Variants in DEFB128 observed in about 807,000 individuals in gnomAD.
The protein encoded by DEFB128 is beta-defensin 128.
Under a neutral mutation model 2.4 loss-of-function variants are expected in DEFB128, and 1 was observed. The observed-to-expected ratio is 0.41, with a 90% CI of 0.15 to 1.96. The LOEUF (loss-of-function observed/expected upper bound fraction) is 1.96. Among genes scored for constraint, DEFB128 ranks in the 30% most tolerant of loss-of-function variants. The probability of loss-of-function intolerance (pLI) is 0.30; values close to 1 mark genes in which losing one functional copy is unlikely to be tolerated. For synonymous variants in DEFB128, 59 were observed against 39.1 expected (o/e 1.51, Z -1.89); for missense variants, 129 against 104.9 (o/e 1.23, Z -1.00).
At position 189,705 on chromosome 20, in the gene DEFB128, A is replaced by G. The variant is rs1021372661; in HGVS notation, c.-82T>C. The G allele has an allele frequency of 2.7e-6, 4 of 1,494,654 alleles. No individual in the cohort carries two copies. The highest frequency in any genetic ancestry group is 2.8e-5 in the African/African-American group (2 of 72,136). 92.6% of individuals were successfully genotyped at this position (1,494,654 alleles called of 1,614,324 possible). A position where few individuals can be genotyped will look rare whatever the true frequency, so the allele number is the denominator to read the frequency against. On this transcript the variant is annotated 5_prime_UTR_variant, in exon 1 of 2. Transcript: ENST00000334391. ...CCACAGGTCTTTAAAGATGATCCAG[A>G]GTTTTGAGAGCTATCAGCGCTCGGA...
rs146241398 is a variant in DEFB128 at position 188,108 on chromosome 20, T to A, written c.60A>T (p.Arg20Ser). 1.2e-6 allele frequency: 2 copies of A among 1,613,842 alleles called. No individual in the cohort carries two copies. The highest frequency in any genetic ancestry group is 1.7e-6 in the Non-Finnish European group (2 of 1,179,882). Residue 20 changes from arginine (R) to serine (S), a missense_variant, in exon 2 of 2, where the codon AGA becomes AGT. Coordinates refer to ENST00000334391, the MANE Select transcript of DEFB128 (RefSeq NM_001037732.3). ...TTACTTTATTGAAGCATTTTTTGAG[T>A]CTTGCCCCGTCTGTGCATAGGAAAC... The part of the protein sequence containing the change: ...LLFEVLTDGA[R>S]LKKCFNKVTG...
In DEFB128 at chr20:188,155, C is replaced by T. The variant is rs138684629; in HGVS notation, c.50-37G>A. 4,704 of 1,586,214 alleles carry T rather than the reference C, an allele frequency of 3.0e-3. 18 individuals are homozygous for T. The highest frequency in any genetic ancestry group is 3.7e-3 in the Non-Finnish European group (4,222 of 1,156,696). On this transcript the variant is annotated intron_variant, in intron 1 of 1. Transcript: ENST00000334391. Reference sequence around the variant, plus strand: ...AAACAACATTGAACCAAGGTTAGTGCGTAAGGAAGAGCAGAAGAGGTAGGT... The same window carrying T: ...AAACAACATTGAACCAAGGTTAGTGTGTAAGGAAGAGCAGAAGAGGTAGGT...
chr20:187,864 G>A lies in DEFB128; in HGVS notation c.*22C>T, dbSNP rs779001136. ...TTATTTAGGAAGAGTGGAGACCAGC[G>A]AGACAAGGGCTAGATTTAGGATTAG... On this transcript the variant is annotated 3_prime_UTR_variant, in exon 2 of 2. Coordinates refer to ENST00000334391, the MANE Select transcript of DEFB128 (RefSeq NM_001037732.3). 3.4e-5 allele frequency: 54 copies of A among 1,611,926 alleles called. No individual in the cohort carries two copies. The highest frequency in any genetic ancestry group is 5.3e-5 in the African/African-American group (4 of 74,846).
At chr20:188,262 T>C (rs1284191409) in intron 1 of DEFB128, 144 bp from the exon 2 acceptor site, 2 of 764,690 alleles carry the variant, frequency 2.6e-6, no homozygotes, top group Non-Finnish European at 4.4e-6. Context: ...GGCCCCTCCT[T>C]GAAAAATATC....
At position 187,967 on chromosome 20, in the gene DEFB128, C is replaced by T; in HGVS notation, c.201G>A (p.Lys67=). The T allele has an allele frequency of 4.3e-6, 7 of 1,613,938 alleles. No homozygotes were observed. Among genetic ancestry groups the T allele is most frequent in the Non-Finnish European group, 5.9e-6 (7 of 1,179,932 alleles). Residue 67 remains lysine (K), a synonymous_variant, in exon 2 of 2, where the codon AAG becomes AAA. Transcript: ENST00000334391. ...GCTTCTCACCAGAATGTTGATGTGG[C>T]TTCTTAAATGACACATGTTTTTTCT... ...EEEKKHVSFK[K]PHQHSGEKLS... is the part of the protein sequence containing the mutation.
chr20:188,198 T>C, intron 1 of DEFB128, 80 bp from the exon 2 acceptor site: 7 of 1,299,380 alleles, frequency 5.4e-6, no homozygotes, highest in Non-Finnish European at 7.8e-6. Flanking sequence ...TCCCCACAAG[T>C]CATGGCCTCC....
At chr20:188,157 T>C in intron 1 of DEFB128, 39 bp from the exon 2 acceptor site, 1 of 1,581,670 alleles carries the variant, frequency 6.3e-7, no homozygotes, top group Admixed American at 1.7e-5. Context: ...GGTTAGTGCG[T>C]AAGGAAGAGC....
At chr20:188,413 T>C (rs1269432267) in intron 1 of DEFB128, among the ~76,000 whole-genome samples, 3 of 152,128 alleles carry the variant, frequency 2.0e-5, no homozygotes, top group African/African-American at 7.2e-5. Flanking sequence ...CCTAGGACCA[T>C]GGCAAAGCTG....
chr20:189,418 G>A (rs1313480222), intron 1 of DEFB128, among the ~76,000 whole-genome samples, 157 bp downstream of exon 1: 2 of 152,150 alleles, frequency 1.3e-5, no homozygotes, highest in Non-Finnish European at 2.9e-5. Flanking sequence ...ACCTCCTTGG[G>A]TGCCTCTCTT....
chr20:188,712 A>T (rs867153989), intron 1 of DEFB128, among the ~76,000 whole-genome samples: 1 of 152,208 alleles, frequency 6.6e-6, no homozygotes, highest in Non-Finnish European at 1.5e-5. Context: ...TCTGTCACTC[A>T]TCACACTCCC....
rs2011111452 is a variant in DEFB128 at position 187,858 on chromosome 20, A to G, written c.*28T>C. 1.2e-6 allele frequency: 2 copies of G among 1,610,634 alleles called. No individual in the cohort carries two copies. The highest frequency in any genetic ancestry group is 1.7e-6 in the Non-Finnish European group (2 of 1,177,130). On this transcript the variant is annotated 3_prime_UTR_variant, in exon 2 of 2. Coordinates refer to ENST00000334391, the MANE Select transcript of DEFB128 (RefSeq NM_001037732.3). ...CACTTTTTATTTAGGAAGAGTGGAG[A>G]CCAGCGAGACAAGGGCTAGATTTAG...
At chr20:189,087 A>C (rs551119348) in intron 1 of DEFB128, among the ~76,000 whole-genome samples, 2 of 152,354 alleles carry the variant, frequency 1.3e-5, no homozygotes, top group East Asian at 3.9e-4. Flanking sequence ...TAACCTGTAC[A>C]TCAAATAGAA....
chr20:188,210 A>G (rs927903268), intron 1 of DEFB128, 92 bp from the exon 2 acceptor site: 6 of 1,165,650 alleles, frequency 5.1e-6, no homozygotes, highest in African/African-American at 4.6e-5. Flanking sequence ...ATGGCCTCCT[A>G]TGGTCCCAAG....
intron 1 of DEFB128, 89 bp downstream of exon 1, chr20:189,486 G>T: frequency 6.8e-7 from 1 of 1,469,110 alleles, no homozygotes; most frequent in Non-Finnish European, 9.4e-7. Context: ...TATGATTTTG[G>T]CCAAATATAA....
rs1262158910 is a variant in DEFB128, at chr20:188,009, A to G, written c.159T>C (p.Cys53=). The change falls in exon 2 of 2, where the codon TGT becomes TGC. Residue 53 remains cysteine (C), a synonymous_variant. Coordinates refer to ENST00000334391, the MANE Select transcript of DEFB128 (RefSeq NM_001037732.3). ...EIGCLSGKLC[C]ANDEEEKKHV... is the part of the protein sequence containing the mutation. ...GTTTTTTCTCTTCTTCATCATTAGCACAACATAATTTCCCACTTAGACATC... is the reference window on the plus strand; with the variant it reads ...GTTTTTTCTCTTCTTCATCATTAGCGCAACATAATTTCCCACTTAGACATC... 2 of 1,614,046 alleles carry G rather than the reference A, an allele frequency of 1.2e-6. No homozygotes were observed. The highest frequency in any genetic ancestry group is 1.1e-5 in the South Asian group (1 of 91,084).
rs772611349 is a variant in DEFB128 at position 188,041 on chromosome 20, C to CAT, written c.125_126dup (p.Glu43MetfsTer3). On this transcript the variant is annotated frameshift_variant, in exon 2 of 2. Transcript: ENST00000334391. LOFTEE classifies it low-confidence loss of function (END_TRUNC). ...AATTTCCCACTTAGACATCCTATTT[C>CAT]ATATCTTTCTCCTACCTTGCATTTC... 1 of 1,613,988 alleles carries CAT rather than the reference C, an allele frequency of 6.2e-7. No individual in the cohort carries two copies. The highest frequency in any genetic ancestry group is 8.5e-7 in the Non-Finnish European group (1 of 1,179,966).
At chr20:189,437 T>C (rs998860945) in intron 1 of DEFB128, 138 bp downstream of exon 1, 1 of 908,046 alleles carries the variant, frequency 1.1e-6, no homozygotes. Flanking sequence ...TTCTAAGGCA[T>C]AGACTCAAGT....
chr20:188,944 A>T (rs1438499637), intron 1 of DEFB128, among the ~76,000 whole-genome samples: 1 of 152,174 alleles, frequency 6.6e-6, no homozygotes, highest in Non-Finnish European at 1.5e-5. Flanking sequence ...ATCAGGGAAC[A>T]TCTTTGAGGG....
Position 188,002 on chromosome 20 carries a change from C to A in DEFB128, c.166G>T (p.Asp56Tyr). 6.2e-7 allele frequency: 1 copy of A among 1,614,094 alleles called. No homozygotes were observed. The highest frequency in any genetic ancestry group is 8.5e-7 in the Non-Finnish European group (1 of 1,179,952). ...GACACATGTTTTTTCTCTTCTTCAT[C>A]ATTAGCACAACATAATTTCCCACTT... ...CLSGKLCCAN[D>Y]EEEKKHVSFK... is the part of the protein sequence containing the mutation. The change falls in exon 2 of 2, where the codon GAT (aspartate) becomes TAT (tyrosine). Residue 56 changes from aspartate (D) to tyrosine (Y), a missense_variant. Coordinates refer to ENST00000334391, the MANE Select transcript of DEFB128 (RefSeq NM_001037732.3).
Sources: gnomAD v4.1 joint callset for allele counts (sites outside exome capture counted in the v4.1 genomes callset) on GRCh38, gnomAD v4.1.1 for gene constraint, MANE v1.5 for transcripts, NCBI Gene and HGNC (gene_info 2026-07-23, HGNC 2026-07-21) for gene names.